EYS: variants seen among roughly 807,000 people sequenced by gnomAD.
EYS encodes protein eyes shut homolog.
A neutral mutation model predicts 282.1 loss-of-function variants in EYS; 250 were observed. The observed-to-expected ratio is 0.89, with a 90% CI of 0.80 to 0.98. The LOEUF (loss-of-function observed/expected upper bound fraction) is 0.98, where lower values mean the gene tolerates loss of function less well. Ranked by LOEUF, EYS falls within the 50% of genes least tolerant of loss-of-function variation. The probability of loss-of-function intolerance (pLI) is 0.00; values close to 1 mark genes in which losing one functional copy is unlikely to be tolerated. For synonymous variants in EYS, 1,355 were observed against 1,282.9 expected, an observed-to-expected ratio of 1.06 and a Z score of -1.20; for missense variants, 4,016 against 3,709.0, an observed-to-expected ratio of 1.08 and a Z score of -2.15.
intron 26 of EYS, among the ~76,000 whole-genome samples, chr6:64,475,308 TTGGGAGGCCGAGGCGGGCGG>T (rs1776227258): frequency 1.4e-5 from 1 of 71,138 alleles, no homozygotes; most frequent in Non-Finnish European, 3.3e-5. Context: ...TCCCAGCACT[TTGGGAGGCCGAGGCGGGCGG>T]ATCACAAGGT....
intron 34 of EYS, among the ~76,000 whole-genome samples, chr6:63,996,252 T>C (rs1220104190): frequency 6.6e-6 from 1 of 151,970 alleles, no homozygotes; most frequent in Non-Finnish European, 1.5e-5. Context: ...ATGATTCCAC[T>C]TAAATAAGGT....
chr6:65,610,370 T>C (rs1167139200), intron 2 of EYS, among the ~76,000 whole-genome samples: 2 of 152,122 alleles, frequency 1.3e-5, no homozygotes, highest in African/African-American at 4.8e-5. Context: ...TCATTAGTCA[T>C]TAATTGCTAA....
At chr6:64,233,347 A>G (rs2150339184) in intron 30 of EYS, among the ~76,000 whole-genome samples, 1 of 152,330 alleles carries the variant, frequency 6.6e-6, no homozygotes, top group African/African-American at 2.4e-5. Flanking sequence ...TTTGGAAGTT[A>G]TAGATGATGT....
At chr6:65,246,911 TA>T (rs1767194940) in intron 12 of EYS, among the ~76,000 whole-genome samples, 1 of 151,988 alleles carries the variant, frequency 6.6e-6, no homozygotes, top group Non-Finnish European at 1.5e-5. Context: ...GTAACAAACA[TA>T]AGGCTAAATG....
chr6:64,121,686 A>G lies in EYS; in HGVS notation c.6425-39684T>C, dbSNP rs114239008. On this transcript the variant is annotated intron_variant, in intron 31 of 42. Transcript: ENST00000503581. ...CTCTTAAAATCTTCTGCAATTTTCT[A>G]ATTTTATGACCTAGCTTAAATTTGA... Among the ~76,000 whole-genome samples, 1,027 of 152,252 alleles carry G rather than the reference A, an allele frequency of 6.7e-3. 11 individuals are homozygous for G. Among genetic ancestry groups the G allele is most frequent in the African/African-American group, 0.023 (950 of 41,544 alleles).
chr6:65,146,218 T>C (rs1327821577), intron 12 of EYS, among the ~76,000 whole-genome samples: 2 of 151,342 alleles, frequency 1.3e-5, no homozygotes, highest in African/African-American at 2.4e-5. Flanking sequence ...CTAAGCAACG[T>C]TTAGCTTATT....
intron 33 of EYS, among the ~76,000 whole-genome samples, chr6:64,020,018 T>C (rs1000179828): frequency 6.6e-6 from 1 of 151,866 alleles, no homozygotes; most frequent in African/African-American, 2.4e-5. Context: ...TTTCGCAGAG[T>C]AATCAGTGAC....
At chr6:64,757,678 C>T (rs1772990368) in intron 22 of EYS, among the ~76,000 whole-genome samples, 1 of 151,970 alleles carries the variant, frequency 6.6e-6, no homozygotes, top group African/African-American at 2.4e-5. Context: ...CTCACTCCAC[C>T]TGTTCTGTTC....
intron 41 of EYS, chr6:63,744,939 G>A (rs1408431506): frequency 2.4e-6 from 1 of 408,554 alleles, no homozygotes; most frequent in Non-Finnish European, 4.7e-6. Context: ...TAGATAACAT[G>A]ATTTACCTCA....
At chr6:65,349,326 C>A (rs1456219281) in intron 9 of EYS, among the ~76,000 whole-genome samples, 1 of 151,376 alleles carries the variant, frequency 6.6e-6, no homozygotes. Flanking sequence ...GTACACTTGG[C>A]TTTATTTGTC....
chr6:64,539,682 T>A (rs745633080), intron 26 of EYS, among the ~76,000 whole-genome samples: 1 of 152,124 alleles, frequency 6.6e-6, no homozygotes, highest in Non-Finnish European at 1.5e-5. Context: ...CATGCAAGGG[T>A]ATAGATATTT....
chr6:65,382,146 A>G (rs1474208394), intron 8 of EYS, among the ~76,000 whole-genome samples: 4 of 150,182 alleles, frequency 2.7e-5, no homozygotes, highest in African/African-American at 9.8e-5. Flanking sequence ...CAATAAACCA[A>G]TTAATTTGTG....
chr6:64,457,304 T>G (rs1775585892), intron 26 of EYS, among the ~76,000 whole-genome samples: 1 of 152,026 alleles, frequency 6.6e-6, no homozygotes, highest in African/African-American at 2.4e-5. Flanking sequence ...CTAGAGAATG[T>G]TTTATGTTTA....
At chr6:64,914,573 G>C (rs552635389) in intron 15 of EYS, among the ~76,000 whole-genome samples, 3 of 152,070 alleles carry the variant, frequency 2.0e-5, no homozygotes, top group East Asian at 1.9e-4. Flanking sequence ...ATATATCAAG[G>C]CCCTTTATAA....
intron 1 of EYS, among the ~76,000 whole-genome samples, chr6:65,647,234 C>A (rs960623312): frequency 1.3e-5 from 2 of 152,126 alleles, no homozygotes; most frequent in Non-Finnish European, 2.9e-5. Flanking sequence ...AAGAATAAAT[C>A]TGCAGGTATC....
chr6:65,290,573 A>G (rs1768496886), intron 12 of EYS, among the ~76,000 whole-genome samples: 1 of 151,268 alleles, frequency 6.6e-6, no homozygotes, highest in Non-Finnish European at 1.5e-5. Context: ...AAATGTTTGC[A>G]ACCATTATGA....
chr6:63,780,496 C>T (rs1297105035), intron 39 of EYS, among the ~76,000 whole-genome samples: 1 of 152,102 alleles, frequency 6.6e-6, no homozygotes, highest in Non-Finnish European at 1.5e-5. Flanking sequence ...CTCTGATGGC[C>T]ACTGATGATG....
At chr6:65,589,605 C>A (rs1254890666) in intron 2 of EYS, among the ~76,000 whole-genome samples, 1 of 151,784 alleles carries the variant, frequency 6.6e-6, no homozygotes, top group Non-Finnish European at 1.5e-5. Flanking sequence ...GGACTTATCG[C>A]TGTATTGAAG....
At chr6:64,031,390 G>A (rs1369481653) in intron 33 of EYS, among the ~76,000 whole-genome samples, 1 of 152,214 alleles carries the variant, frequency 6.6e-6, no homozygotes, top group Non-Finnish European at 1.5e-5. Flanking sequence ...CCATGCCTGA[G>A]CCACACCCCC....
Sources: gnomAD v4.1 joint callset for allele counts (sites outside exome capture counted in the v4.1 genomes callset) on GRCh38, gnomAD v4.1.1 for gene constraint, MANE v1.5 for transcripts, NCBI Gene and HGNC (gene_info 2026-07-23, HGNC 2026-07-21) for gene names.